Variants in SLC34A2 observed in about 807,000 individuals in gnomAD.
SLC34A2 encodes solute carrier family 34 member 2.
Under a neutral mutation model 50.8 loss-of-function variants are expected in SLC34A2, and 41 were observed. The ratio of observed to expected loss-of-function variants is 0.81; its 90% CI spans 0.63 to 1.05. The LOEUF is 1.05. Among genes scored for constraint, SLC34A2 ranks in the 50% least tolerant of loss-of-function variants. The probability of loss-of-function intolerance (pLI) is 0.00; values close to 1 mark genes in which losing one functional copy is unlikely to be tolerated. For synonymous variants in SLC34A2, 401 were observed against 364.2 expected, an observed-to-expected ratio of 1.10 and a Z score of -1.15; for missense variants, 879 against 876.7, an observed-to-expected ratio of 1.00 and a Z score of -0.03.
intron 12 of SLC34A2, among the ~76,000 whole-genome samples, chr4:25,675,042 A>T (rs1253858201): frequency 1.1e-4 from 16 of 151,890 alleles, no homozygotes; most frequent in Non-Finnish European, 2.2e-4. Context: ...TTTTTATTTT[A>T]TTTTTTTGAG....
At chr4:25,666,888 A>G (rs1714530610) in intron 5 of SLC34A2, 1 of 152,050 alleles carries the variant, frequency 6.6e-6, no homozygotes, top group Non-Finnish European at 1.5e-5. Flanking sequence ...GTTTGAACTG[A>G]TTATTATTAT....
Position 25,674,276 on chromosome 4 carries a change from C to G in SLC34A2, c.1217-20C>G, listed in dbSNP as rs1714982681. ...ACCTTCCCCGGAGAGGCCATGACAT[C>G]TCTTCCTTCTGTCTTCCAGATTTCC... On this transcript the variant is annotated intron_variant, in intron 10 of 12. Transcript: ENST00000382051. 3.1e-6 allele frequency: 5 copies of G among 1,602,728 alleles called. No individual in the cohort carries two copies. The highest frequency in any genetic ancestry group is 4.3e-6 in the Non-Finnish European group (5 of 1,169,616).
At chr4:25,658,224 C>G (rs1713990413) in intron 1 of SLC34A2, among the ~76,000 whole-genome samples, 1 of 152,212 alleles carries the variant, frequency 6.6e-6, no homozygotes, top group Non-Finnish European at 1.5e-5. Context: ...GTGCCAGGCA[C>G]AAAGTCTTTA....
chr4:25,665,988 G>T, intron 4 of SLC34A2, 140 bp from the exon 5 acceptor site: 2 of 983,688 alleles, frequency 2.0e-6, no homozygotes, highest in Non-Finnish European at 3.2e-6. Flanking sequence ...AAGATTCCTT[G>T]GGTGCCTGCA....
intron 6 of SLC34A2, among the ~76,000 whole-genome samples, chr4:25,668,646 A>T (rs1373362669): frequency 1.8e-4 from 27 of 151,840 alleles, no homozygotes; most frequent in African/African-American, 3.6e-4. Flanking sequence ...CATCTAAAAA[A>T]AAAAAAAAAA....
Position 25,676,214 on chromosome 4 carries a change from G to T in SLC34A2, c.1538G>T (p.Arg513Leu). ...ATCCCGTTCACTCGCCTGCCCATCC[G>T]CATGGCCAAGGGGCTGGGCAACATC... ...YPIPFTRLPI[R>L]MAKGLGNISA... Residue 513 changes from arginine to leucine, a missense_variant, in exon 13 of 13, where the codon CGC becomes CTC. Transcript: ENST00000382051. 3 of 1,614,142 alleles carry T rather than the reference G, an allele frequency of 1.9e-6. No individual in the cohort carries two copies. Among genetic ancestry groups the T allele is most frequent in the Non-Finnish European group, 1.7e-6 (2 of 1,180,038 alleles).
chr4:25,674,150 A>T (rs1170246337), intron 10 of SLC34A2, 146 bp from the exon 11 acceptor site: 1 of 711,404 alleles, frequency 1.4e-6, no homozygotes, highest in East Asian at 2.7e-5. Context: ...ATGGGGAATG[A>T]AACTGGATTC....
chr4:25,673,357 T>C, intron 10 of SLC34A2, 103 bp downstream of exon 10: 1 of 1,113,492 alleles, frequency 9.0e-7, no homozygotes, highest in Non-Finnish European at 1.3e-6. Context: ...ATGGAGTTTC[T>C]CTCTCAGATT....
intron 9 of SLC34A2, among the ~76,000 whole-genome samples, chr4:25,672,327 G>A (rs1001849754): frequency 3.9e-5 from 6 of 152,142 alleles, no homozygotes; most frequent in Admixed American, 3.9e-4. Context: ...GAAGATGTGG[G>A]ACCCACATAG....
intron 5 of SLC34A2, 31 bp downstream of exon 5, chr4:25,666,302 A>G: frequency 6.2e-7 from 1 of 1,612,258 alleles, no homozygotes; most frequent in Non-Finnish European, 8.5e-7. Context: ...GCCCACCTGC[A>G]TTCCAGACAC....
rs1007839883 is a variant in SLC34A2, at chr4:25,667,861, G to T, written c.524-19G>T. On this transcript the variant is annotated intron_variant, in intron 5 of 12. Transcript: ENST00000382051. Reference sequence around the variant, plus strand: ...GGCTGCCTTTCTAAGCTTGCTAATGGTACTTTTCCATCCTCTAGTGCTCAC... The same window carrying T: ...GGCTGCCTTTCTAAGCTTGCTAATGTTACTTTTCCATCCTCTAGTGCTCAC... 1.3e-6 allele frequency: 2 copies of T among 1,550,908 alleles called. No individual in the cohort carries two copies. The highest frequency in any genetic ancestry group is 1.1e-5 in the South Asian group (1 of 89,608).
At chr4:25,664,180 C>T (rs771751665) in intron 3 of SLC34A2, 22 bp from the exon 4 acceptor site, 33 of 1,600,642 alleles carry the variant, frequency 2.1e-5, no homozygotes, top group Non-Finnish European at 2.4e-5. Context: ...TCTCTCTCTC[C>T]CCCCATCCCA....
At chr4:25,658,649 A>G (rs757501088) in intron 1 of SLC34A2, among the ~76,000 whole-genome samples, 1 of 152,222 alleles carries the variant, frequency 6.6e-6, no homozygotes, top group Non-Finnish European at 1.5e-5. Context: ...TGAGGCACAC[A>G]GGCAACTCGG....
chr4:25,676,265 T>G lies in SLC34A2; in HGVS notation c.1589T>G (p.Val530Gly). The stretch of plus-strand genomic sequence containing the variant: ...TCTGCCAAGTATCGCTGGTTCGCCG[T>G]CTTCTACCTGATCATCTTCTTCTTC... Reference protein sequence around the residue: ...NISAKYRWFAVFYLIIFFFLI... With the variant: ...NISAKYRWFAGFYLIIFFFLI... Residue 530 changes from valine (V) to glycine (G), a missense_variant, in exon 13 of 13, where the codon GTC becomes GGC. Val to Gly is a moderately radical substitution (Grantham distance 109, BLOSUM62 -3). Coordinates refer to ENST00000382051, the MANE Select transcript of SLC34A2 (RefSeq NM_006424.3). 6.2e-7 allele frequency: 1 copy of G among 1,614,156 alleles called. No individual in the cohort carries two copies. Among genetic ancestry groups the G allele is most frequent in the Non-Finnish European group, 8.5e-7 (1 of 1,180,036 alleles).
intron 6 of SLC34A2, 136 bp downstream of exon 6, chr4:25,668,127 G>A (rs1156474804): frequency 1.4e-6 from 1 of 712,616 alleles, no homozygotes; most frequent in African/African-American, 1.7e-5. Context: ...ACCACAGGGA[G>A]GTATGGCTAG....
chr4:25,665,585 G>T (rs1419482652), intron 4 of SLC34A2, among the ~76,000 whole-genome samples: 2 of 152,088 alleles, frequency 1.3e-5, no homozygotes, highest in African/African-American at 4.8e-5. Context: ...TTTATACAAT[G>T]GACTTGGGAA....
chr4:25,670,731 T>G lies in SLC34A2; in HGVS notation c.832-7T>G. The G allele has an allele frequency of 6.2e-7, 1 of 1,611,550 alleles. No individual in the cohort carries two copies. The highest frequency in any genetic ancestry group is 1.3e-5 in the African/African-American group (1 of 74,948). On this transcript the variant is annotated splice_region_variant and splice_polypyrimidine_tract_variant and intron_variant, in intron 7 of 12. Transcript: ENST00000382051. ...TGCTGATGGTTTCCTGTCTACTGTT[T>G]CCACAGCTGGATAAAAAAGTTATCA... is the stretch of plus-strand genomic sequence containing the variant.
chr4:25,658,576 A>G (rs1714008256), intron 1 of SLC34A2, among the ~76,000 whole-genome samples: 1 of 152,186 alleles, frequency 6.6e-6, no homozygotes, highest in Non-Finnish European at 1.5e-5. Flanking sequence ...GGTCTTCAAG[A>G]AAGAATAAGA....
chr4:25,657,249 A>G (rs1001388150), intron 1 of SLC34A2, among the ~76,000 whole-genome samples: 1 of 152,166 alleles, frequency 6.6e-6, no homozygotes, highest in African/African-American at 2.4e-5. Context: ...CCCGAATTCA[A>G]TGCAATGAGG....
Sources: gnomAD v4.1 joint callset for allele counts (sites outside exome capture counted in the v4.1 genomes callset) on GRCh38, gnomAD v4.1.1 for gene constraint, MANE v1.5 for transcripts, NCBI Gene and HGNC (gene_info 2026-07-23, HGNC 2026-07-21) for gene names.